Variants in LYRM4 observed in about 807,000 individuals in gnomAD.
LYRM4 encodes the protein LYR motif-containing protein 4.
Under a neutral mutation model 11.7 loss-of-function variants are expected in LYRM4, and 9 were observed. The observed-to-expected ratio is 0.77, with a 90% confidence interval of 0.46 to 1.34. LYRM4 has a LOEUF of 1.34. Ranked by LOEUF, LYRM4 falls within the 40% of genes most tolerant of loss-of-function variation. LYRM4 has a pLI of 0.00. For synonymous variants in LYRM4, 42 were observed against 40.4 expected, an observed-to-expected ratio of 1.04 and a Z score of -0.15; for missense variants, 133 against 112.5, an observed-to-expected ratio of 1.18 and a Z score of -0.82.
At chr6:5,205,640 T>C (rs1761654641) in intron 2 of LYRM4, among the ~76,000 whole-genome samples, 1 of 152,204 alleles carries the variant, frequency 6.6e-6, no homozygotes, top group Non-Finnish European at 1.5e-5. Context: ...GAGCTTCAAA[T>C]AATAGCTGAT....
rs1322984782 is a variant in LYRM4, at chr6:5,141,184, GGA to G, written c.208-31695_208-31694del. Among the ~76,000 whole-genome samples, 3 of 152,204 alleles carry G rather than the reference GGA, an allele frequency of 2.0e-5. No homozygotes were observed. The East Asian group carries it at 5.8e-4, about 29-fold the overall frequency. On this transcript the variant is annotated intron_variant, in intron 2 of 2. Coordinates refer to ENST00000330636, the MANE Select transcript of LYRM4 (RefSeq NM_020408.6). Reference sequence around the variant, plus strand: ...GCCCTTCATAGGAATAATGCAGATGGGAGAGATGGGGGTGGTATGTCTCAGGG... The same window carrying G: ...GCCCTTCATAGGAATAATGCAGATGGGAGATGGGGGTGGTATGTCTCAGGG...
intron 1 of LYRM4, among the ~76,000 whole-genome samples, chr6:5,248,708 G>T (rs1164402283): frequency 6.6e-6 from 1 of 152,248 alleles, no homozygotes; most frequent in Non-Finnish European, 1.5e-5. Flanking sequence ...TTAGGCTGCT[G>T]TCTCTCCTAT....
At chr6:5,145,901 AT>A (rs1424842160) in intron 2 of LYRM4, among the ~76,000 whole-genome samples, 1 of 152,022 alleles carries the variant, frequency 6.6e-6, no homozygotes, top group Non-Finnish European at 1.5e-5. Context: ...ATTCCACTCC[AT>A]TCCCCTTGGC....
rs190140426 is a variant in LYRM4, at chr6:5,256,216, G to A, written c.86+4432C>T. Reference sequence around the variant, plus strand: ...TTAAGAATGTGGTTCTTGGCCAGGCGCGGTGGCTCATGCCTGTAATCCCAG... The same window carrying A: ...TTAAGAATGTGGTTCTTGGCCAGGCACGGTGGCTCATGCCTGTAATCCCAG... On this transcript the variant is annotated intron_variant, in intron 1 of 2. Coordinates refer to ENST00000330636, the MANE Select transcript of LYRM4 (RefSeq NM_020408.6). Among the ~76,000 whole-genome samples the A allele has an allele frequency of 3.8e-3, 571 of 152,048 alleles. 2 individuals are homozygous for A. The highest frequency in any genetic ancestry group is 0.013 in the African/African-American group (544 of 41,500).
chr6:5,252,732 C>T (rs1413294279), intron 1 of LYRM4, among the ~76,000 whole-genome samples: 2 of 152,138 alleles, frequency 1.3e-5, no homozygotes, highest in Non-Finnish European at 2.9e-5. Flanking sequence ...GAAAGCTTTA[C>T]CCTTTCCTGG....
chr6:5,035,114 C>G, the LYRM4 span, among the ~76,000 whole-genome samples: 1 of 152,212 alleles, frequency 6.6e-6, no homozygotes, highest in South Asian at 2.1e-4. Context: ...TGACCAGACG[C>G]TCACAGAACC....
chr6:5,098,437 A>T, the LYRM4 span, among the ~76,000 whole-genome samples: 2 of 152,172 alleles, frequency 1.3e-5, no homozygotes, highest in African/African-American at 4.8e-5. Context: ...CATCAATGCC[A>T]TTCTCATGAG....
At chr6:5,162,764 C>A (rs879673440) in intron 2 of LYRM4, among the ~76,000 whole-genome samples, 1 of 152,134 alleles carries the variant, frequency 6.6e-6, no homozygotes, top group Non-Finnish European at 1.5e-5. Flanking sequence ...GCTTTATAAA[C>A]ATACTCTTTA....
the LYRM4 span, among the ~76,000 whole-genome samples, chr6:5,063,374 C>T: frequency 4.3e-4 from 66 of 152,110 alleles, no homozygotes; most frequent in Admixed American, 6.5e-4. Flanking sequence ...CTGGAAGGCA[C>T]GTTAGCCAAC....
At chr6:5,086,124 G>A in the LYRM4 span, 1 of 1,474,336 alleles carries the variant, frequency 6.8e-7, no homozygotes, top group Non-Finnish European at 8.9e-7. Context: ...CCGAGCGTCT[G>A]CAGCGGCAGC....
chr6:5,170,003 G>A (rs1759327706), intron 2 of LYRM4, among the ~76,000 whole-genome samples: 1 of 152,216 alleles, frequency 6.6e-6, no homozygotes, highest in African/African-American at 2.4e-5. Context: ...CAACAACTGG[G>A]CAGGCTGACA....
chr6:5,212,595 A>C (rs1422724191), intron 2 of LYRM4, among the ~76,000 whole-genome samples: 1 of 152,214 alleles, frequency 6.6e-6, no homozygotes, highest in Non-Finnish European at 1.5e-5. Context: ...GCTAGCCCAG[A>C]ACTTGCTTTC....
intron 1 of LYRM4, among the ~76,000 whole-genome samples, chr6:5,251,618 T>G (rs1435204167): frequency 1.3e-5 from 2 of 152,106 alleles, no homozygotes; most frequent in African/African-American, 4.8e-5. Flanking sequence ...AGGGGAATGG[T>G]GCTAAACTAT....
chr6:5,033,118 C>T, the LYRM4 span: 1 of 151,690 alleles, frequency 6.6e-6, no homozygotes, highest in African/African-American at 2.4e-5. Context: ...ATCAGATGGC[C>T]TCAGGATATT....
intron 2 of LYRM4, among the ~76,000 whole-genome samples, chr6:5,189,065 C>G (rs1401923616): frequency 6.6e-6 from 1 of 152,222 alleles, no homozygotes; most frequent in African/African-American, 2.4e-5. Context: ...GTGGCTCCCA[C>G]GGTGCCTGAC....
chr6:5,058,912 AAAGT>A, the LYRM4 span, among the ~76,000 whole-genome samples: 1 of 152,204 alleles, frequency 6.6e-6, no homozygotes, highest in African/African-American at 2.4e-5. Flanking sequence ...TTTAATTGAA[AAAGT>A]AATAAAAGCA....
At chr6:5,152,566 A>G (rs143063806) in intron 2 of LYRM4, among the ~76,000 whole-genome samples, 20 of 152,356 alleles carry the variant, frequency 1.3e-4, no homozygotes, top group Admixed American at 5.2e-4. Context: ...GAAGTGAGGC[A>G]GCCCCAGCTG....
chr6:5,231,726 G>A (rs148361461), intron 1 of LYRM4, among the ~76,000 whole-genome samples: 52 of 152,176 alleles, frequency 3.4e-4, no homozygotes, highest in African/African-American at 9.6e-4. Flanking sequence ...CATGAGACCC[G>A]GAATACAATA....
intron 2 of LYRM4, among the ~76,000 whole-genome samples, chr6:5,140,950 A>G (rs1366657520): frequency 6.6e-6 from 1 of 152,238 alleles, no homozygotes; most frequent in Non-Finnish European, 1.5e-5. Flanking sequence ...GTCCAGTTCT[A>G]CAAGTATTCA....
Sources: allele counts gnomAD v4.1 joint callset (sites outside exome capture counted in the v4.1 genomes callset), GRCh38; gene constraint gnomAD v4.1.1; transcripts MANE v1.5; gene names NCBI Gene and HGNC (gene_info 2026-07-23, HGNC 2026-07-21).